Variants in COL27A1 observed in about 807,000 individuals in gnomAD.
COL27A1 encodes the protein collagen type XXVII alpha 1 chain, also known as collagen alpha-1(XXVII) chain.
A neutral mutation model predicts 251.3 loss-of-function variants in COL27A1; 106 were observed. The observed-to-expected ratio is 0.42, with a 90% CI of 0.36 to 0.50. The LOEUF (loss-of-function observed/expected upper bound fraction) is 0.50, where lower values mean the gene tolerates loss of function less well. Among genes scored for constraint, COL27A1 ranks in the 20% least tolerant of loss-of-function variants. The pLI is 0.00. For missense variants in COL27A1, 2,325 were observed against 2,522.8 expected, an observed-to-expected ratio of 0.92 and a Z score of 1.68; for synonymous variants, 1,000 against 986.3, an observed-to-expected ratio of 1.01 and a Z score of -0.26.
At chr9:114,302,177 G>A in intron 56 of COL27A1, 69 bp downstream of exon 56, 1 of 1,284,352 alleles carries the variant, frequency 7.8e-7, no homozygotes, top group Non-Finnish European at 1.1e-6. Flanking sequence ...AGAGGCTGCT[G>A]GCCCTCTCTG....
At chr9:114,274,836 C>T (rs984203363) in intron 36 of COL27A1, among the ~76,000 whole-genome samples, 1 of 150,974 alleles carries the variant, frequency 6.6e-6, no homozygotes, top group African/African-American at 2.4e-5. Flanking sequence ...TATTATTATT[C>T]ACTGTGTTTT....
chr9:114,264,454 G>C lies in COL27A1; in HGVS notation c.3249+46G>C, dbSNP rs374604488. The C allele has an allele frequency of 5.0e-4, 711 of 1,429,274 alleles. 6 individuals carry two copies. The highest frequency in any genetic ancestry group is 7.1e-5 in the Non-Finnish European group (75 of 1,056,204). The allele number at this position is 1,429,274 out of a possible 1,614,324, so 88.5% of individuals were successfully genotyped here. On this transcript the variant is annotated intron_variant, in intron 29 of 60. Coordinates refer to ENST00000356083, the MANE Select transcript of COL27A1 (RefSeq NM_032888.4). Reference sequence around the variant, plus strand: ...CCCTTCCTCACTCCTCCGACACTGGGTCAGGAATCGTGAACAAGGCTCACA... The same window carrying C: ...CCCTTCCTCACTCCTCCGACACTGGCTCAGGAATCGTGAACAAGGCTCACA...
chr9:114,292,591 A>G (rs1171082211), intron 49 of COL27A1, among the ~76,000 whole-genome samples: 4 of 152,230 alleles, frequency 2.6e-5, no homozygotes, highest in Non-Finnish European at 4.4e-5. Flanking sequence ...ATGAACAGAG[A>G]ATAAACAGGG....
chr9:114,166,596 G>A (rs1185950009), intron 2 of COL27A1, among the ~76,000 whole-genome samples: 1 of 152,248 alleles, frequency 6.6e-6, no homozygotes, highest in African/African-American at 2.4e-5. Flanking sequence ...ATCTTGCTGA[G>A]CTTAGGGGAA....
intron 5 of COL27A1, among the ~76,000 whole-genome samples, chr9:114,189,179 A>C (rs10817578): frequency 0.83 from 126,929 of 152,198 alleles, 53,219 homozygotes; most frequent in African/African-American, 0.86. Context: ...TATTCCTTGT[A>C]ATTTCATAAA....
intron 56 of COL27A1, 73 bp downstream of exon 56, chr9:114,302,181 C>G (rs1169170364): frequency 1.6e-6 from 2 of 1,284,384 alleles, no homozygotes; most frequent in Non-Finnish European, 2.3e-6. Flanking sequence ...GCTGCTGGCC[C>G]TCTCTGGCCC....
intron 5 of COL27A1, among the ~76,000 whole-genome samples, chr9:114,192,692 T>C (rs1174772163): frequency 6.6e-6 from 1 of 152,196 alleles, no homozygotes; most frequent in Admixed American, 6.5e-5. Context: ...AACCCACCTT[T>C]GTCCTTCCTT....
Position 114,306,615 on chromosome 9 carries a change from G to T in COL27A1, c.5034G>T (p.Thr1678=), listed in dbSNP as rs150455755. The T allele has an allele frequency of 4.3e-6, 7 of 1,614,098 alleles. No individual in the cohort carries two copies. The South Asian group carries it at 6.6e-5, about 15-fold the overall frequency. Residue 1678 remains threonine (T), a synonymous_variant, in exon 58 of 61, where the codon ACG becomes ACT. Coordinates refer to ENST00000356083, the MANE Select transcript of COL27A1 (RefSeq NM_032888.4). ...GCAACCTCATCCAGAGCATTAAGAC[G>T]CCCCTGGGCACCAAAGAGAACCCCG... ...YLSNLIQSIK[T]PLGTKENPAR...
chr9:114,242,298 A>G, intron 22 of COL27A1, 67 bp downstream of exon 22: 1 of 1,408,288 alleles, frequency 7.1e-7, no homozygotes. Flanking sequence ...CAGGCAGGGC[A>G]ACATCTGGCC....
At chr9:114,235,711 G>T in intron 17 of COL27A1, 59 bp downstream of exon 17, 1 of 1,387,508 alleles carries the variant, frequency 7.2e-7, no homozygotes, top group South Asian at 1.2e-5. Context: ...TGTTCCCCTG[G>T]TCTTGGCTTC....
intron 36 of COL27A1, chr9:114,272,523 C>T (rs1306628732): frequency 1.3e-5 from 2 of 152,192 alleles, no homozygotes; most frequent in African/African-American, 4.8e-5. Context: ...AGGAATCACC[C>T]CTCATGGTGA....
chr9:114,178,640 G>T (rs966152760), intron 4 of COL27A1, among the ~76,000 whole-genome samples: 2 of 152,140 alleles, frequency 1.3e-5, no homozygotes, highest in Non-Finnish European at 2.9e-5. Flanking sequence ...TTCGGCTGGT[G>T]AGCTTCAGTG....
chr9:114,221,664 G>T (rs1294284055), intron 13 of COL27A1, among the ~76,000 whole-genome samples: 2 of 152,186 alleles, frequency 1.3e-5, no homozygotes, highest in Non-Finnish European at 2.9e-5. Context: ...CTCGTCTCCT[G>T]ACTCCCAGGC....
intron 5 of COL27A1, among the ~76,000 whole-genome samples, chr9:114,184,907 T>C (rs890051477): frequency 2.6e-5 from 4 of 152,168 alleles, no homozygotes; most frequent in Non-Finnish European, 5.9e-5. Context: ...AGCAGCTGTT[T>C]TGAATGGCCA....
At chr9:114,269,634 A>AAAAAAAG (rs796293254) in intron 35 of COL27A1, among the ~76,000 whole-genome samples, 9,960 of 113,256 alleles carry the variant, frequency 0.088, 818 homozygotes, top group Non-Finnish European at 0.12. Context: ...AAAAAAAAAA[A>AAAAAAAG]AAGAAGAAGA....
chr9:114,251,336 C>T (rs571163776), intron 25 of COL27A1, among the ~76,000 whole-genome samples: 2 of 152,108 alleles, frequency 1.3e-5, no homozygotes, highest in East Asian at 3.9e-4. Flanking sequence ...AGTCTGGCCC[C>T]GCCTAACTCT....
intron 5 of COL27A1, 135 bp from the exon 6 acceptor site, chr9:114,194,269 T>C: frequency 1.2e-6 from 1 of 827,742 alleles, no homozygotes; most frequent in Non-Finnish European, 2.1e-6. Flanking sequence ...GAGAAGACCC[T>C]CTGGAGGTGT....
intron 27 of COL27A1, among the ~76,000 whole-genome samples, chr9:114,254,894 G>A (rs1354511647): frequency 6.6e-6 from 1 of 152,182 alleles, no homozygotes; most frequent in Non-Finnish European, 1.5e-5. Context: ...ATCATTAACA[G>A]ACTTTTATCG....
intron 58 of COL27A1, chr9:114,306,917 C>T (rs1829092087): frequency 1.9e-6 from 1 of 531,736 alleles, no homozygotes; most frequent in Non-Finnish European, 3.3e-6. Context: ...AGAAAAAGCT[C>T]CTGAGGCTGT....
Sources: allele counts gnomAD v4.1 joint callset (sites outside exome capture counted in the v4.1 genomes callset), GRCh38; gene constraint gnomAD v4.1.1; transcripts MANE v1.5; gene names NCBI Gene and HGNC (gene_info 2026-07-23, HGNC 2026-07-21).